The following SERPINI1 variants were observed in gnomAD, a reference collection of about 807,000 sequenced individuals.
The protein encoded by SERPINI1 is neuroserpin.
A neutral mutation model predicts 41.1 loss-of-function variants in SERPINI1; 19 were observed. The ratio of observed to expected loss-of-function variants is 0.46; its 90% CI spans 0.32 to 0.68. SERPINI1 has a LOEUF of 0.68. Among genes scored for constraint, SERPINI1 ranks in the 30% least tolerant of loss-of-function variants. SERPINI1 has a pLI of 0.03. For synonymous variants in SERPINI1, 138 were observed against 156.6 expected, an observed-to-expected ratio of 0.88 and a Z score of 0.89; for missense variants, 460 against 479.2, an observed-to-expected ratio of 0.96 and a Z score of 0.37.
In SERPINI1 at chr3:167,819,306, G is replaced by T. The variant is rs181093113; in HGVS notation, c.980-3680G>T. Among the ~76,000 whole-genome samples the T allele has an allele frequency of 5.1e-3, 782 of 152,122 alleles. 6 individuals are homozygous for T. Among genetic ancestry groups the T allele is most frequent in the African/African-American group, 0.018 (729 of 41,528 alleles). On this transcript the variant is annotated intron_variant, in intron 6 of 8. Coordinates refer to ENST00000446050, the MANE Select transcript of SERPINI1 (RefSeq NM_001122752.2). The stretch of plus-strand genomic sequence containing the variant: ...TGGGATAATAGGCATGAGCCACTGC[G>T]CCCAGCTACTGTCTTGAAATTTATG...
At chr3:167,783,396 T>A (rs1353874551) in intron 1 of SERPINI1, among the ~76,000 whole-genome samples, 1 of 152,188 alleles carries the variant, frequency 6.6e-6, no homozygotes, top group African/African-American at 2.4e-5. Context: ...CCTCCTTGAA[T>A]TCAAACTGCT....
In SERPINI1 at chr3:167,794,781, G is replaced by A. The variant is rs55872908; in HGVS notation, c.838G>A (p.Ala280Thr). The A allele has an allele frequency of 0.016, 26,184 of 1,613,532 alleles. 272 individuals are homozygous for A. The highest frequency in any genetic ancestry group is 0.019 in the Non-Finnish European group (22,285 of 1,179,770). The change falls in exon 5 of 9, where the codon GCA becomes ACA. Residue 280 changes from alanine (A) to threonine (T), a missense_variant. Physicochemically the swap from Ala to Thr is moderately conservative, Grantham distance 58. Coordinates refer to ENST00000446050, the MANE Select transcript of SERPINI1 (RefSeq NM_001122752.2). ...LVKAQLVEEW[A>T]NSVKKQKVEV... ...CAAAGCACAGCTGGTTGAAGAATGG[G>A]CAAACTCTGTGAAGAAGCAAAAAGT...
chr3:167,772,938 A>T (rs1188252299), intron 1 of SERPINI1, among the ~76,000 whole-genome samples: 1 of 124,976 alleles, frequency 8.0e-6, no homozygotes, highest in African/African-American at 3.2e-5. Context: ...ATATACATAT[A>T]CATATATACA....
At chr3:167,759,399 G>GATATATATATATATATATATATATAT (rs1364573755) in intron 1 of SERPINI1, among the ~76,000 whole-genome samples, 12 of 81,618 alleles carry the variant, frequency 1.5e-4, no homozygotes, top group East Asian at 6.5e-4. Flanking sequence ...AAGAAAATGT[G>GATATATATATATATATATATATATAT]GTATATATAT....
At chr3:167,771,560 C>G (rs944124537) in intron 1 of SERPINI1, among the ~76,000 whole-genome samples, 1 of 152,160 alleles carries the variant, frequency 6.6e-6, no homozygotes, top group Non-Finnish European at 1.5e-5. Flanking sequence ...GGAAGAGAAT[C>G]TTCACTATAT....
intron 5 of SERPINI1, among the ~76,000 whole-genome samples, chr3:167,804,618 A>C (rs1023104994): frequency 6.6e-6 from 1 of 152,154 alleles, no homozygotes; most frequent in Non-Finnish European, 1.5e-5. Context: ...AGATTGCTTT[A>C]GACCAGAATT....
chr3:167,752,962 C>G (rs1378875897), intron 1 of SERPINI1, among the ~76,000 whole-genome samples: 1 of 152,132 alleles, frequency 6.6e-6, no homozygotes, highest in African/African-American at 2.4e-5. Flanking sequence ...ATGTGACACA[C>G]TATTACTTTT....
chr3:167,761,600 C>T (rs1357164288), intron 1 of SERPINI1, among the ~76,000 whole-genome samples: 1 of 152,172 alleles, frequency 6.6e-6, no homozygotes, highest in East Asian at 1.9e-4. Flanking sequence ...TGATAGCTTT[C>T]ATTGCTTATA....
rs889665899 is a variant in SERPINI1, at chr3:167,789,320, C to T, written c.192C>T (p.Ala64=). 5.0e-6 allele frequency: 8 copies of T among 1,613,868 alleles called. No homozygotes were observed. The Admixed American group carries it at 5.0e-5, about 10-fold the overall frequency. ...CAATGGGAATGATGGAACTTGGGGC[C>T]CAAGGATCTACCCAGAAAGAAATCC... ...ALAMGMMELG[A]QGSTQKEIRH... The change falls in exon 2 of 9, where the codon GCC becomes GCT. Residue 64 remains alanine (A), a synonymous_variant. Transcript: ENST00000446050.
chr3:167,825,523 T>C lies in SERPINI1; in HGVS notation c.*200T>C. On this transcript the variant is annotated 3_prime_UTR_variant, in exon 9 of 9. Coordinates refer to ENST00000446050, the MANE Select transcript of SERPINI1 (RefSeq NM_001122752.2). ...AGCTAATGGTCCTGTTATGTCATTG[T>C]GTTTGTGTGCTGTTGTTTAAAATAA... The C allele has an allele frequency of 5.4e-6, 3 of 554,220 alleles. No individual in the cohort carries two copies. Among genetic ancestry groups the C allele is most frequent in the South Asian group, 4.5e-5 (2 of 44,834 alleles). The allele number at this position is 554,220 out of a possible 1,614,324, so 34.3% of individuals were successfully genotyped here. A position where few individuals can be genotyped will look rare whatever the true frequency, so the allele number is the denominator to read the frequency against.
At chr3:167,809,957 G>A (rs1240762929) in intron 6 of SERPINI1, among the ~76,000 whole-genome samples, 2 of 152,110 alleles carry the variant, frequency 1.3e-5, no homozygotes, top group East Asian at 3.9e-4. Context: ...CAGTCTTTCA[G>A]TGGGAATTCT....
chr3:167,749,038 T>C (rs1203916007), intron 1 of SERPINI1, among the ~76,000 whole-genome samples: 1 of 152,196 alleles, frequency 6.6e-6, no homozygotes, highest in East Asian at 1.9e-4. Flanking sequence ...ACGTAAAGCA[T>C]TTAAATCTTT....
rs773889125 is a variant in SERPINI1 at position 167,825,233 on chromosome 3, C to T, written c.1157-14C>T. ...TGTTCACCCCCTCTTTTGTTTACTT[C>T]TGAACCAATACAGGTACAATTCTAT... On this transcript the variant is annotated splice_polypyrimidine_tract_variant and intron_variant, in intron 8 of 8. Coordinates refer to ENST00000446050, the MANE Select transcript of SERPINI1 (RefSeq NM_001122752.2). 6.3e-7 allele frequency: 1 copy of T among 1,583,470 alleles called. No homozygotes were observed.
chr3:167,790,647 C>T (rs1727476073), intron 3 of SERPINI1, 45 bp downstream of exon 3: 1 of 1,353,356 alleles, frequency 7.4e-7, no homozygotes, highest in Non-Finnish European at 1.1e-6. Context: ...TTAGTTTTAA[C>T]TGTCTTTAAC....
At chr3:167,802,229 G>A (rs561165185) in intron 5 of SERPINI1, among the ~76,000 whole-genome samples, 3 of 152,088 alleles carry the variant, frequency 2.0e-5, no homozygotes, top group Non-Finnish European at 4.4e-5. Flanking sequence ...AGGACTTCAT[G>A]TCTAAAACAC....
At chr3:167,805,266 T>C (rs894094151) in intron 5 of SERPINI1, among the ~76,000 whole-genome samples, 2 of 152,196 alleles carry the variant, frequency 1.3e-5, no homozygotes, top group African/African-American at 4.8e-5. Context: ...GGTATCTCAT[T>C]GTGGTTTTTG....
rs1172423837 is a variant in SERPINI1, at chr3:167,772,887, TATATATACACACACACAC to T, written c.-18-16222_-18-16205del. On this transcript the variant is annotated intron_variant, in intron 1 of 8. Coordinates refer to ENST00000446050, the MANE Select transcript of SERPINI1 (RefSeq NM_001122752.2). ...CTCTATATATATATATATATATATA[TATATATACACACACACAC>T]ACACACACACACACACATGCATATA... 1.4e-3 allele frequency among the ~76,000 whole-genome samples: 107 copies of T among 75,682 alleles called. 5 individuals are homozygous for T. The highest frequency in any genetic ancestry group is 5.1e-3 in the African/African-American group (83 of 16,322). The allele number at this position is 75,682 out of a possible 152,430, so 49.7% of individuals were successfully genotyped here. A position where few individuals can be genotyped will look rare whatever the true frequency, so the allele number is the denominator to read the frequency against.
At position 167,788,378 on chromosome 3, in the gene SERPINI1, G is replaced by A. The variant is rs369846684; in HGVS notation, c.-18-733G>A. On this transcript the variant is annotated intron_variant, in intron 1 of 8. Coordinates refer to ENST00000446050, the MANE Select transcript of SERPINI1 (RefSeq NM_001122752.2). ...TTAATTTAAATAGAAACACCAGTTT[G>A]TTTGGTGTAAGCTGAAATGGTAACA... 3.9e-5 allele frequency among the ~76,000 whole-genome samples: 6 copies of A among 152,318 alleles called. No homozygotes were observed. In the East Asian group the frequency reaches 1.2e-3, roughly 29 times the overall value.
intron 1 of SERPINI1, among the ~76,000 whole-genome samples, chr3:167,755,478 A>G (rs1351595130): frequency 1.3e-5 from 2 of 152,218 alleles, no homozygotes; most frequent in African/African-American, 4.8e-5. Context: ...AGGGCCCATT[A>G]AGATAGAGCT....
Sources: gnomAD v4.1 joint callset for allele counts (sites outside exome capture counted in the v4.1 genomes callset) on GRCh38, gnomAD v4.1.1 for gene constraint, MANE v1.5 for transcripts, NCBI Gene and HGNC (gene_info 2026-07-23, HGNC 2026-07-21) for gene names.